TFE3: variants seen among roughly 807,000 people sequenced by gnomAD.
TFE3 encodes the protein transcription factor E3.
A neutral mutation model predicts 35.0 loss-of-function variants in TFE3; 5 were observed. That is an observed-to-expected ratio of 0.14 (90% CI 0.07 to 0.30). TFE3 has a LOEUF of 0.30. TFE3 is among the 10% of genes least tolerant of loss of function. TFE3 has a pLI of 1.00. For missense variants in TFE3, 374 were observed against 496.6 expected (o/e 0.75, Z 2.35); for synonymous variants, 211 against 215.6 (o/e 0.98, Z 0.18).
rs782776666 is a variant in TFE3 at position 49,029,795 on chromosome X, C to A, written c.*363G>T. On this transcript the variant is annotated 3_prime_UTR_variant, in exon 10 of 10. Transcript: ENST00000315869. ...CCTTTCCCAGGAGACCTGGCTAGGACAGTCCCTAGGGGACAGGGTCGAGAC... is the reference window on the plus strand; with the variant it reads ...CCTTTCCCAGGAGACCTGGCTAGGAAAGTCCCTAGGGGACAGGGTCGAGAC... The A allele has an allele frequency of 2.1e-6, 1 of 471,842 alleles. No individual in the cohort carries two copies. Among genetic ancestry groups the A allele is most frequent in the Non-Finnish European group, 3.9e-6 (1 of 253,686 alleles). 38.9% of individuals were successfully genotyped at this position (471,842 alleles called of 1,213,427 possible).
intron 8 of TFE3, chrX:49,032,063 A>G (rs1557073834): frequency 8.9e-6 from 1 of 112,423 alleles, no homozygotes; most frequent in African/African-American, 3.3e-5. Flanking sequence ...TATTCTTCTC[A>G]TAACACTCAT....
Position 49,038,318 on chromosome X carries a change from G to A in TFE3, c.659C>T (p.Pro220Leu), listed in dbSNP as rs1557075116. The A allele has an allele frequency of 1.8e-5, 22 of 1,203,931 alleles. No individual in the cohort carries two copies. The highest frequency in any genetic ancestry group is 3.0e-5 in the East Asian group (1 of 33,626). Residue 220 changes from proline (P) to leucine (L), a missense_variant, in exon 4 of 10, where the codon CCG becomes CTG. Pro to Leu is a moderately conservative substitution (Grantham distance 98). Transcript: ENST00000315869. ...KLASQALTPP[P>L]GPASAQPLPA... ...CAGTGGCTGGGCACTTGCGGGCCCC[G>A]GCGGTGGGGTGAGGGCCTGGGAAGC...
Position 49,034,106 on chromosome X carries a change from G to A in TFE3, c.1003+28C>T, listed in dbSNP as rs1557074261. The A allele has an allele frequency of 2.6e-6, 3 of 1,149,774 alleles. No individual in the cohort carries two copies. In the Admixed American group the frequency reaches 6.5e-5, roughly 25 times the overall value. 94.8% of individuals were successfully genotyped at this position (1,149,774 alleles called of 1,213,427 possible). On this transcript the variant is annotated intron_variant, in intron 6 of 9. Transcript: ENST00000315869. Reference sequence around the variant, plus strand: ...GGGCTCACCTGGGGTAAAGTGTAGGGCCATGGGGCCAAGACCCTATCACCT... The same window carrying A: ...GGGCTCACCTGGGGTAAAGTGTAGGACCATGGGGCCAAGACCCTATCACCT...
Position 49,038,454 on chromosome X carries a change from G to T in TFE3, c.535-12C>A. ...AGATGGGTCTGCACCTGTGAAATAA[G>T]GTAGACAAGGAAAGAGAGGGGACAA... is the stretch of plus-strand genomic sequence containing the variant. On this transcript the variant is annotated splice_polypyrimidine_tract_variant and intron_variant, in intron 3 of 9. Transcript: ENST00000315869. 8.4e-7 allele frequency: 1 copy of T among 1,194,930 alleles called. No individual in the cohort carries two copies.
chrX:49,041,282 TACACAC>T (rs60375012), intron 1 of TFE3, among the ~76,000 whole-genome samples: 1 of 108,743 alleles, frequency 9.2e-6, no homozygotes, highest in African/African-American at 3.4e-5. Flanking sequence ...TATATGTGTG[TACACAC>T]ACACACACAC....
chrX:49,043,353 A>T lies in TFE3; in HGVS notation c.-127T>A. The T allele has an allele frequency of 2.0e-6, 1 of 491,558 alleles. No individual in the cohort carries two copies. The highest frequency in any genetic ancestry group is 3.1e-6 in the Non-Finnish European group (1 of 324,399). The allele number at this position is 491,558 out of a possible 1,213,427, so 40.5% of individuals were successfully genotyped here. On this transcript the variant is annotated 5_prime_UTR_variant, in exon 1 of 10. Transcript: ENST00000315869. ...TCCTCCGCTAAGCCATGGAGCTAGC[A>T]CTGCGCGGGCGGGCGGCGTCGGGGA...
chrX:49,038,141 G>A (rs782400823), intron 4 of TFE3, 27 bp from the exon 5 acceptor site: 1 of 1,210,233 alleles, frequency 8.3e-7, no homozygotes, highest in East Asian at 3.0e-5. Flanking sequence ...ATATTATACA[G>A]GTTTAGAAGA....
chrX:49,037,654 G>A lies in TFE3; in HGVS notation c.885+356C>T, dbSNP rs1053783267. On this transcript the variant is annotated intron_variant, in intron 5 of 9. Coordinates refer to ENST00000315869, the MANE Select transcript of TFE3 (RefSeq NM_006521.6). ...GCAGAGGTTGCAGTGAGCTGAGACC[G>A]CGCCACTGCACTCTAGCCTGGGTGA... 13 of 134,273 alleles carry A rather than the reference G, an allele frequency of 9.7e-5. No homozygotes were observed. In the East Asian group the frequency reaches 1.1e-3, roughly 11 times the overall value. The allele number at this position is 134,273 out of a possible 1,213,427, so 11.1% of individuals were successfully genotyped here.
intron 5 of TFE3, among the ~76,000 whole-genome samples, chrX:49,037,173 G>A (rs1223766244): frequency 3.6e-5 from 4 of 111,232 alleles, no homozygotes; most frequent in Non-Finnish European, 3.8e-5. Flanking sequence ...GCGTAGTGGC[G>A]TACACCTGTA....
intron 8 of TFE3, among the ~76,000 whole-genome samples, chrX:49,033,066 G>A (rs1325028457): frequency 9.0e-6 from 1 of 110,869 alleles, no homozygotes; most frequent in Non-Finnish European, 1.9e-5. Flanking sequence ...GCCTCCCAAA[G>A]TGCTGGGATT....
At chrX:49,036,669 G>T (rs1557074831) in intron 5 of TFE3, among the ~76,000 whole-genome samples, 2 of 109,592 alleles carry the variant, frequency 1.8e-5, no homozygotes. Flanking sequence ...GGGCATGGGG[G>T]CACGCGCCTG....
intron 5 of TFE3, among the ~76,000 whole-genome samples, chrX:49,034,921 A>C (rs1557074389): frequency 9.5e-6 from 1 of 105,047 alleles, no homozygotes; most frequent in Non-Finnish European, 1.9e-5. Flanking sequence ...TTCTTATCCA[A>C]CTATTCAATT....
chrX:49,040,309 C>T (rs962836775), intron 2 of TFE3, 146 bp downstream of exon 2: 1 of 426,025 alleles, frequency 2.3e-6, no homozygotes, highest in Non-Finnish European at 4.0e-6. Context: ...GTGTGACATG[C>T]TCTTTCTGGT....
At chrX:49,040,602 A>G in intron 1 of TFE3, 34 bp from the exon 2 acceptor site, 1 of 1,004,187 alleles carries the variant, frequency 1.0e-6, no homozygotes, top group Non-Finnish European at 1.4e-6. Flanking sequence ...TCAGTGATTG[A>G]ATGAAGGACC....
Position 49,030,216 on chromosome X carries a change from G to C in TFE3, c.1670C>G (p.Pro557Arg). The C allele has an allele frequency of 8.3e-7, 1 of 1,209,063 alleles. No homozygotes were observed. The highest frequency in any genetic ancestry group is 1.1e-6 in the Non-Finnish European group (1 of 894,109). The change falls in exon 10 of 10, where the codon CCT becomes CGT. Residue 557 changes from proline to arginine, a missense_variant. Physicochemically the swap from Pro to Arg is moderately radical, Grantham distance 103. Around this residue, in one of 3 missense-constraint regions of TFE3, gnomAD observed 117 missense variants for 111.9 expected, o/e 1.05. Coordinates refer to ENST00000315869, the MANE Select transcript of TFE3 (RefSeq NM_006521.6). The stretch of plus-strand genomic sequence containing the variant: ...GCGGCTGCTGGCCTTGGAGACAGCA[G>C]GGGACACTGAAGAGAGCAGGGGATC... ...ASDPLLSSVS[P>R]AVSKASSRRS...
chrX:49,029,179 C>T lies in TFE3; in HGVS notation c.*979G>A. 5.7e-6 allele frequency: 1 copy of T among 175,156 alleles called. No individual in the cohort carries two copies. Among genetic ancestry groups the T allele is most frequent in the Non-Finnish European group, 1.1e-5 (1 of 91,426 alleles). The allele number at this position is 175,156 out of a possible 1,213,427, so 14.4% of individuals were successfully genotyped here. A position where few individuals can be genotyped will look rare whatever the true frequency, so the allele number is the denominator to read the frequency against. ...TTCTGGTAACCTGAACTCAGTCCCC[C>T]ACTAATACCCATCACCTTCCCAAAC... On this transcript the variant is annotated 3_prime_UTR_variant, in exon 10 of 10. Transcript: ENST00000315869.
At chrX:49,040,639 G>C (rs782531844) in intron 1 of TFE3, 71 bp from the exon 2 acceptor site, 3 of 728,271 alleles carry the variant, frequency 4.1e-6, no homozygotes, top group Admixed American at 2.6e-5. Flanking sequence ...CCCTGAGACA[G>C]AGAAAGAGAG....
At position 49,030,348 on chromosome X, in the gene TFE3, A is replaced by G; in HGVS notation, c.1538T>C (p.Leu513Pro). The change falls in exon 10 of 10, where the codon CTG becomes CCG. Residue 513 changes from leucine to proline, a missense_variant. By Grantham distance (98) the Leu-to-Pro change is moderately conservative. Transcript: ENST00000315869. ...LHFPSDHLGD[L>P]GDPFHLGLED... ...CAGCCCCAGGTGGAAGGGGTCTCCCAGGTCCCCCAGGTGGTCGCTGGGAAA... is the reference window on the plus strand; with the variant it reads ...CAGCCCCAGGTGGAAGGGGTCTCCCGGGTCCCCCAGGTGGTCGCTGGGAAA... The G allele has an allele frequency of 3.4e-6, 4 of 1,169,776 alleles. No individual in the cohort carries two copies. The highest frequency in any genetic ancestry group is 4.6e-6 in the Non-Finnish European group (4 of 875,463).
At chrX:49,032,673 CTTT>C (rs782306525) in intron 8 of TFE3, among the ~76,000 whole-genome samples, 1 of 94,043 alleles carries the variant, frequency 1.1e-5, no homozygotes, top group Admixed American at 1.2e-4. Flanking sequence ...ACCCGGCCAT[CTTT>C]TTTTTTTTTT....
Sources: allele counts gnomAD v4.1 joint callset (sites outside exome capture counted in the v4.1 genomes callset), GRCh38; gene constraint gnomAD v4.1.1; regional missense constraint gnomAD v4.1.1; transcripts MANE v1.5; gene names NCBI Gene and HGNC (gene_info 2026-07-23, HGNC 2026-07-21).